The following EYS variants were observed in gnomAD, a reference collection of about 807,000 sequenced individuals.
The protein encoded by EYS is EGF-like photoreceptor maintenance factor.
EYS carries 250 observed loss-of-function variants against 282.1 expected under a neutral mutation model. The observed-to-expected ratio is 0.89, with a 90% CI of 0.80 to 0.98. EYS has a LOEUF of 0.98. EYS is among the 50% of genes least tolerant of loss of function. The probability of loss-of-function intolerance (pLI) is 0.00; values close to 1 mark genes in which losing one functional copy is unlikely to be tolerated. For missense variants in EYS, 4,016 were observed against 3,709.0 expected (o/e 1.08, Z -2.15); for synonymous variants, 1,355 against 1,282.9 (o/e 1.06, Z -1.20).
chr6:64,278,077 G>A (rs536642616), intron 30 of EYS, among the ~76,000 whole-genome samples: 50 of 152,248 alleles, frequency 3.3e-4, no homozygotes, highest in African/African-American at 1.2e-3. Flanking sequence ...AGAAGCTGTA[G>A]TGGGAGAGTT....
intron 13 of EYS, among the ~76,000 whole-genome samples, chr6:65,006,891 C>A (rs2150130720): frequency 6.6e-6 from 1 of 152,294 alleles, no homozygotes; most frequent in South Asian, 2.1e-4. Flanking sequence ...TATCTCAATC[C>A]AGACTCAAAA....
intron 16 of EYS, among the ~76,000 whole-genome samples, chr6:64,906,560 A>G (rs536894201): frequency 2.6e-5 from 4 of 152,356 alleles, no homozygotes; most frequent in African/African-American, 9.6e-5. Flanking sequence ...ATACTGGAGT[A>G]ATAGACACAT....
At chr6:64,838,249 T>A (rs764947833) in intron 19 of EYS, among the ~76,000 whole-genome samples, 1 of 151,942 alleles carries the variant, frequency 6.6e-6, no homozygotes, top group Non-Finnish European at 1.5e-5. Flanking sequence ...ACTTTCTTTT[T>A]AAAATAACAT....
At chr6:64,259,164 C>G (rs945032992) in intron 30 of EYS, among the ~76,000 whole-genome samples, 4 of 151,960 alleles carry the variant, frequency 2.6e-5, no homozygotes, top group Non-Finnish European at 5.9e-5. Flanking sequence ...CCAGAACTTA[C>G]AAAAGCTGGG....
intron 16 of EYS, among the ~76,000 whole-genome samples, chr6:64,905,422 C>CT (rs1178292109): frequency 2.0e-5 from 3 of 152,272 alleles, no homozygotes; most frequent in African/African-American, 7.2e-5. Flanking sequence ...GTTGGCCGTA[C>CT]TTTGTTAACT....
intron 12 of EYS, among the ~76,000 whole-genome samples, chr6:65,253,357 T>A (rs546926117): frequency 6.6e-6 from 1 of 152,046 alleles, no homozygotes; most frequent in Admixed American, 6.6e-5. Flanking sequence ...TAAAAGAATG[T>A]TGTGTTGTAG....
At chr6:65,641,312 A>G (rs764453636) in intron 1 of EYS, among the ~76,000 whole-genome samples, 4 of 152,196 alleles carry the variant, frequency 2.6e-5, no homozygotes, top group Non-Finnish European at 5.9e-5. Context: ...TGCTAGCCCT[A>G]TTGACCAAGA....
chr6:65,659,704 T>C (rs1767939540), intron 1 of EYS, among the ~76,000 whole-genome samples: 1 of 151,796 alleles, frequency 6.6e-6, no homozygotes, highest in Non-Finnish European at 1.5e-5. Flanking sequence ...ATGCTTTCTA[T>C]TTCTTTTTTT....
In EYS at chr6:65,506,698, C is replaced by T. The variant is rs538096397; in HGVS notation, c.-332-10705G>A. On this transcript the variant is annotated intron_variant, in intron 2 of 42. Transcript: ENST00000503581. ...GCTATGTTGCCCAGGTCTTGAACTC[C>T]TGCCTTCAAATGATTCTCTTACCTC... Among the ~76,000 whole-genome samples the T allele has an allele frequency of 2.0e-5, 3 of 151,692 alleles. No individual in the cohort carries two copies. The South Asian group carries it at 6.3e-4, about 32-fold the overall frequency.
chr6:64,622,158 A>T, intron 23 of EYS, among the ~76,000 whole-genome samples: 1 of 152,110 alleles, frequency 6.6e-6, no homozygotes, highest in East Asian at 1.9e-4. Flanking sequence ...AAAGAGGATG[A>T]GTGAGGTCTG....
intron 23 of EYS, among the ~76,000 whole-genome samples, chr6:64,625,724 G>A (rs1234337128): frequency 6.6e-6 from 1 of 152,146 alleles, no homozygotes; most frequent in South Asian, 2.1e-4. Flanking sequence ...AGTTTATTCA[G>A]CTCGTCCATC....
At chr6:65,654,614 G>T (rs1736083946) in intron 1 of EYS, among the ~76,000 whole-genome samples, 1 of 151,642 alleles carries the variant, frequency 6.6e-6, no homozygotes, top group African/African-American at 2.4e-5. Context: ...ATAGTACTGG[G>T]TGTCAAAAGG....
intron 30 of EYS, among the ~76,000 whole-genome samples, chr6:64,275,630 A>G (rs879419998): frequency 6.7e-6 from 1 of 150,332 alleles, no homozygotes; most frequent in African/African-American, 2.4e-5. Flanking sequence ...GTTAGCCAGG[A>G]TGGTCTCTAT....
chr6:64,319,706 G>A (rs1305429030), intron 29 of EYS, among the ~76,000 whole-genome samples: 1 of 99,648 alleles, frequency 1.0e-5, no homozygotes, highest in Non-Finnish European at 2.2e-5. Flanking sequence ...TGGATGGATG[G>A]ATGGACGGAT....
chr6:63,928,341 C>A (rs1309191411), intron 35 of EYS, among the ~76,000 whole-genome samples: 3 of 151,980 alleles, frequency 2.0e-5, no homozygotes, highest in African/African-American at 7.3e-5. Context: ...CTTCTCATTG[C>A]CTAGGATTAC....
At chr6:65,116,318 G>A (rs1016836199) in intron 12 of EYS, among the ~76,000 whole-genome samples, 17 of 152,028 alleles carry the variant, frequency 1.1e-4, no homozygotes, top group African/African-American at 1.7e-4. Context: ...CATTCTTCAC[G>A]TCTAATTAAC....
At chr6:65,513,996 A>C (rs1767013911) in intron 2 of EYS, among the ~76,000 whole-genome samples, 2 of 152,186 alleles carry the variant, frequency 1.3e-5, no homozygotes, top group Non-Finnish European at 2.9e-5. Flanking sequence ...AGAGGAAGTC[A>C]AATTGTCCCT....
intron 22 of EYS, among the ~76,000 whole-genome samples, chr6:64,744,587 T>C (rs1288615474): frequency 6.6e-6 from 1 of 152,156 alleles, no homozygotes; most frequent in Non-Finnish European, 1.5e-5. Context: ...ATTAACAAAA[T>C]TAGTTATTAA....
At chr6:64,125,639 A>G (rs1554210044) in intron 31 of EYS, among the ~76,000 whole-genome samples, 3 of 151,688 alleles carry the variant, frequency 2.0e-5, no homozygotes, top group Non-Finnish European at 4.4e-5. Flanking sequence ...ACAAAAAATT[A>G]GCCGGGCGTG....
Sources: allele counts gnomAD v4.1 joint callset (sites outside exome capture counted in the v4.1 genomes callset), GRCh38; gene constraint gnomAD v4.1.1; transcripts MANE v1.5; gene names NCBI Gene and HGNC (gene_info 2026-07-23, HGNC 2026-07-21).